The following ABI3BP variants were observed in gnomAD, a reference collection of about 807,000 sequenced individuals.
ABI3BP encodes target of Nesh-SH3.
A neutral mutation model predicts 268.6 loss-of-function variants in ABI3BP; 216 were observed. That is an observed-to-expected ratio of 0.80 (90% confidence interval 0.72 to 0.90). The LOEUF (loss-of-function observed/expected upper bound fraction) is 0.90. ABI3BP is among the 40% of genes least tolerant of loss of function. The probability of loss-of-function intolerance (pLI) is 0.00; values close to 1 mark genes in which losing one functional copy is unlikely to be tolerated. For missense variants in ABI3BP, 2,090 were observed against 2,182.4 expected (o/e 0.96, Z 0.84); for synonymous variants, 730 against 730.0 (o/e 1.00, Z 0.00).
chr3:100,813,803 G>A, intron 44 of ABI3BP, 68 bp from the exon 45 acceptor site: 1 of 1,316,862 alleles, frequency 7.6e-7, no homozygotes, highest in Non-Finnish European at 1.1e-6. Context: ...TTAGACAGAG[G>A]TAGCAGTGAA....
intron 28 of ABI3BP, among the ~76,000 whole-genome samples, chr3:100,835,096 G>C (rs1335274303): frequency 1.3e-5 from 2 of 152,154 alleles, no homozygotes; most frequent in African/African-American, 4.8e-5. Flanking sequence ...AGGGACCCAG[G>C]CCTGCCTGCT....
intron 1 of ABI3BP, among the ~76,000 whole-genome samples, chr3:100,935,461 G>A (rs755188306): frequency 2.0e-5 from 3 of 152,112 alleles, no homozygotes; most frequent in African/African-American, 7.2e-5. Context: ...GGCTATGCAG[G>A]CTCTTTTTTT....
chr3:100,857,540 T>A (rs968717336), intron 14 of ABI3BP, among the ~76,000 whole-genome samples: 3 of 152,240 alleles, frequency 2.0e-5, no homozygotes, highest in Non-Finnish European at 4.4e-5. Flanking sequence ...AGGGACTGGC[T>A]GGCCTCTCAC....
chr3:100,968,748 G>A (rs757170314), intron 1 of ABI3BP, among the ~76,000 whole-genome samples: 4 of 152,040 alleles, frequency 2.6e-5, no homozygotes, highest in Non-Finnish European at 5.9e-5. Context: ...GTGCGGGTTT[G>A]TTACATAGGT....
chr3:100,908,067 G>T (rs1271990890), intron 2 of ABI3BP, among the ~76,000 whole-genome samples: 1 of 150,630 alleles, frequency 6.6e-6, no homozygotes, highest in Non-Finnish European at 1.5e-5. Flanking sequence ...AGTGAGCCGA[G>T]ATCGTGCCAC....
chr3:100,823,817 T>C (rs1032164745), intron 36 of ABI3BP, among the ~76,000 whole-genome samples: 1 of 152,226 alleles, frequency 6.6e-6, no homozygotes. Flanking sequence ...AACATTTTAA[T>C]GCATTTATCT....
chr3:100,972,949 G>A (rs1289468716), intron 1 of ABI3BP, among the ~76,000 whole-genome samples: 1 of 152,200 alleles, frequency 6.6e-6, no homozygotes, highest in Non-Finnish European at 1.5e-5. Context: ...CCTGGCTGAG[G>A]TTGAACAAGG....
At chr3:100,843,401 A>AGT (rs58147308) in intron 20 of ABI3BP, among the ~76,000 whole-genome samples, 321 of 149,040 alleles carry the variant, frequency 2.2e-3, no homozygotes, top group South Asian at 3.7e-3. Context: ...AAAAATTCTG[A>AGT]GTGTGTGTGT....
intron 1 of ABI3BP, among the ~76,000 whole-genome samples, chr3:100,981,999 C>T (rs1460035343): frequency 6.6e-6 from 1 of 152,176 alleles, no homozygotes; most frequent in Non-Finnish European, 1.5e-5. Flanking sequence ...GTTTAATTGA[C>T]TCACACTTCT....
At chr3:100,898,351 G>A (rs904678616) in intron 4 of ABI3BP, among the ~76,000 whole-genome samples, 1 of 152,184 alleles carries the variant, frequency 6.6e-6, no homozygotes, top group African/African-American at 2.4e-5. Context: ...AAGACATGCT[G>A]ATACTGCTTG....
intron 62 of ABI3BP, among the ~76,000 whole-genome samples, chr3:100,768,058 CT>C (rs200383237): frequency 0.01 from 1,494 of 145,362 alleles, 10 homozygotes; most frequent in Non-Finnish European, 0.018. Context: ...TATTGCATGT[CT>C]TCTCTGATTT....
chr3:100,838,112 G>A, intron 26 of ABI3BP, 98 bp downstream of exon 26: 2 of 1,316,214 alleles, frequency 1.5e-6, no homozygotes, highest in Admixed American at 2.0e-5. Flanking sequence ...ATGGTATTTG[G>A]ATTTCTATGA....
chr3:100,856,826 G>T (rs1003135196), intron 14 of ABI3BP, among the ~76,000 whole-genome samples: 1 of 152,130 alleles, frequency 6.6e-6, no homozygotes, highest in Non-Finnish European at 1.5e-5. Context: ...CCATCTGTGG[G>T]ATGATAAATA....
chr3:100,971,857 A>G (rs2083747538), intron 1 of ABI3BP, among the ~76,000 whole-genome samples: 1 of 152,178 alleles, frequency 6.6e-6, no homozygotes, highest in South Asian at 2.1e-4. Context: ...ATCAGGAACA[A>G]GGTCATTAAA....
At chr3:100,779,044 G>A (rs942758480) in intron 58 of ABI3BP, among the ~76,000 whole-genome samples, 3 of 152,128 alleles carry the variant, frequency 2.0e-5, no homozygotes, top group African/African-American at 4.8e-5. Context: ...CTTTTATTTT[G>A]AGCCTACAAT....
intron 57 of ABI3BP, among the ~76,000 whole-genome samples, chr3:100,782,511 G>A (rs1200313762): frequency 1.3e-5 from 2 of 152,134 alleles, no homozygotes; most frequent in African/African-American, 4.8e-5. Context: ...ATAGAAGCCA[G>A]TGGTGCCTGA....
chr3:100,836,502 A>G (rs1279466293), intron 27 of ABI3BP, among the ~76,000 whole-genome samples: 7 of 152,118 alleles, frequency 4.6e-5, no homozygotes, highest in Admixed American at 4.6e-4. Context: ...CACCACTGAG[A>G]GCATCTTCAG....
At chr3:100,753,443 G>A (rs2095445098) in intron 65 of ABI3BP, among the ~76,000 whole-genome samples, 1 of 151,608 alleles carries the variant, frequency 6.6e-6, no homozygotes. Context: ...GCATCATCAT[G>A]CCTAGCTAAT....
At chr3:100,796,369 A>T in intron 52 of ABI3BP, 40 bp downstream of exon 52, 1 of 1,474,630 alleles carries the variant, frequency 6.8e-7, no homozygotes, top group Non-Finnish European at 9.1e-7. Context: ...TTTTTTGAAA[A>T]ATATACTTCT....
Sources: allele counts gnomAD v4.1 joint callset (sites outside exome capture counted in the v4.1 genomes callset), GRCh38; gene constraint gnomAD v4.1.1; transcripts MANE v1.5; gene names NCBI Gene and HGNC (gene_info 2026-07-23, HGNC 2026-07-21).